TEX11: variants seen among roughly 807,000 people sequenced by gnomAD.
The protein encoded by TEX11 is testis-expressed protein 11.
In TEX11, 7 loss-of-function variants were observed where a neutral mutation model predicts 84.4. The ratio of observed to expected loss-of-function variants is 0.08; its 90% CI spans 0.05 to 0.16. The LOEUF (loss-of-function observed/expected upper bound fraction) is 0.16. TEX11 is among the 10% of genes least tolerant of loss of function. TEX11 has a pLI of 1.00. For missense variants in TEX11, 551 were observed against 660.5 expected (o/e 0.83, Z 1.82); for synonymous variants, 264 against 222.8 (o/e 1.18, Z -1.64).
At chrX:70,661,887 C>T (rs143120699) in intron 16 of TEX11, among the ~76,000 whole-genome samples, 63 of 111,369 alleles carry the variant, frequency 5.7e-4, no homozygotes, top group Admixed American at 1.2e-3. Flanking sequence ...TCATCAAAGA[C>T]CAAAGGTAGA....
intron 20 of TEX11, among the ~76,000 whole-genome samples, chrX:70,621,467 G>T (rs1442293262): frequency 2.5e-5 from 2 of 80,259 alleles, no homozygotes; most frequent in Non-Finnish European, 4.5e-5. Context: ...TTTGCAGTGA[G>T]CCGAGATCAC....
At chrX:70,841,518 A>G (rs1413028808) in intron 7 of TEX11, among the ~76,000 whole-genome samples, 1 of 111,478 alleles carries the variant, frequency 9.0e-6, no homozygotes, top group Middle Eastern at 4.6e-3. Context: ...AATGCCCACA[A>G]GAGGAAGCAG....
At chrX:70,826,519 C>T (rs1263707000) in intron 8 of TEX11, among the ~76,000 whole-genome samples, 1 of 111,582 alleles carries the variant, frequency 9.0e-6, no homozygotes, top group Non-Finnish European at 1.9e-5. Context: ...GCAGGATAAA[C>T]AGTCTTCAAT....
intron 11 of TEX11, among the ~76,000 whole-genome samples, chrX:70,731,209 C>T (rs2090647086): frequency 9.0e-6 from 1 of 111,495 alleles, no homozygotes; most frequent in Admixed American, 9.6e-5. Context: ...CAGGAAAGAT[C>T]CAAAATTGAC....
intron 20 of TEX11, among the ~76,000 whole-genome samples, chrX:70,618,517 G>T (rs1800490175): frequency 9.0e-6 from 1 of 111,577 alleles, no homozygotes; most frequent in African/African-American, 3.3e-5. Context: ...AGCACAAAAT[G>T]CCAATAACTG....
chrX:70,607,128 A>C (rs2089204043), intron 22 of TEX11, 99 bp from the exon 23 acceptor site: 1 of 580,871 alleles, frequency 1.7e-6, no homozygotes, highest in African/African-American at 2.3e-5. Flanking sequence ...CTTTGATATT[A>C]ACATACTAGT....
At chrX:70,633,501 G>GT (rs1284209372) in intron 17 of TEX11, among the ~76,000 whole-genome samples, 1 of 111,794 alleles carries the variant, frequency 8.9e-6, no homozygotes, top group Non-Finnish European at 1.9e-5. Flanking sequence ...ACTCTCATCA[G>GT]TTTTACTCAA....
At chrX:70,662,678 T>TC (rs1186754693) in intron 16 of TEX11, among the ~76,000 whole-genome samples, 1 of 111,242 alleles carries the variant, frequency 9.0e-6, no homozygotes, top group African/African-American at 3.3e-5. Context: ...CGGCAGAAAC[T>TC]CTACAAGCCA....
chrX:70,806,280 C>T (rs1174151328), intron 9 of TEX11, among the ~76,000 whole-genome samples: 1 of 110,946 alleles, frequency 9.0e-6, no homozygotes, highest in Non-Finnish European at 1.9e-5. Context: ...CATGGCGAAA[C>T]CCCTTCTCTA....
chrX:70,873,012 G>A (rs1361823457), intron 4 of TEX11, among the ~76,000 whole-genome samples: 2 of 110,382 alleles, frequency 1.8e-5, no homozygotes, highest in Non-Finnish European at 3.8e-5. Context: ...ATCTTTAAAC[G>A]TTTGTTAATA....
chrX:70,893,949 T>C (rs1474299466), intron 2 of TEX11, among the ~76,000 whole-genome samples: 3 of 112,001 alleles, frequency 2.7e-5, no homozygotes, highest in Admixed American at 9.5e-5. Flanking sequence ...TAAACATCTC[T>C]ACACAAATAA....
chrX:70,763,257 C>T (rs938334297), intron 9 of TEX11, among the ~76,000 whole-genome samples: 6 of 111,363 alleles, frequency 5.4e-5, no homozygotes, highest in Admixed American at 4.8e-4. Flanking sequence ...AGAATACTAC[C>T]CAGCCATAAA....
intron 10 of TEX11, among the ~76,000 whole-genome samples, chrX:70,741,249 C>G (rs905755527): frequency 9.0e-6 from 1 of 111,130 alleles, no homozygotes; most frequent in African/African-American, 3.3e-5. Flanking sequence ...TATTTCATAA[C>G]AGTGAAAGTG....
At chrX:70,715,146 T>A (rs1380574188) in intron 13 of TEX11, among the ~76,000 whole-genome samples, 1 of 110,645 alleles carries the variant, frequency 9.0e-6, no homozygotes, top group Non-Finnish European at 1.9e-5. Context: ...CTTGTAGAGT[T>A]TCTGCTGAGA....
intron 16 of TEX11, among the ~76,000 whole-genome samples, chrX:70,661,456 A>G (rs1387431790): frequency 1.8e-5 from 2 of 112,646 alleles, no homozygotes; most frequent in African/African-American, 3.2e-5. Context: ...GGGGCAGGGC[A>G]TAGCCAAACA....
At chrX:70,784,719 A>G (rs779519435) in intron 9 of TEX11, among the ~76,000 whole-genome samples, 1 of 111,896 alleles carries the variant, frequency 8.9e-6, no homozygotes, top group South Asian at 3.7e-4. Context: ...GTGAACTCCC[A>G]TTCACAATTG....
intron 13 of TEX11, among the ~76,000 whole-genome samples, chrX:70,710,184 T>C (rs986415913): frequency 6.3e-5 from 7 of 111,415 alleles, no homozygotes; most frequent in South Asian, 3.7e-4. Context: ...AATGTTAACA[T>C]TGTAACTAGG....
intron 16 of TEX11, among the ~76,000 whole-genome samples, chrX:70,665,611 G>T (rs1348283741): frequency 9.0e-6 from 1 of 111,594 alleles, no homozygotes; most frequent in Non-Finnish European, 1.9e-5. Context: ...ACAAACCAAA[G>T]AAATGATCTA....
At chrX:70,526,951 AATAATG>A (rs763105069), downstream of TEX11, among the ~76,000 whole-genome samples, 1 of 112,167 alleles carries the variant, frequency 8.9e-6, no homozygotes, top group Non-Finnish European at 1.9e-5. Flanking sequence ...CAGCAAAATA[AATAATG>A]ATAATGGCTT....
Sources: allele counts gnomAD v4.1 joint callset (sites outside exome capture counted in the v4.1 genomes callset), GRCh38; gene constraint gnomAD v4.1.1; transcripts MANE v1.5; gene names NCBI Gene and HGNC (gene_info 2026-07-23, HGNC 2026-07-21).